The following DNER variants were observed in gnomAD, a reference collection of about 807,000 sequenced individuals.
DNER encodes delta/notch like EGF repeat containing, also known as delta and Notch-like epidermal growth factor-related receptor.
A neutral mutation model predicts 78.2 loss-of-function variants in DNER; 33 were observed. The observed-to-expected ratio is 0.42, with a 90% CI of 0.32 to 0.56. DNER has a LOEUF of 0.56. Ranked by LOEUF, DNER falls within the 20% of genes least tolerant of loss-of-function variation. DNER has a pLI of 0.11. For missense variants in DNER, 918 were observed against 975.3 expected (o/e 0.94, Z 0.78); for synonymous variants, 417 against 384.8 (o/e 1.08, Z -0.98).
At position 229,568,144 on chromosome 2, in the gene DNER, C is replaced by A. The variant is rs1302169064; in HGVS notation, c.847+17714G>T. 4.6e-5 allele frequency among the ~76,000 whole-genome samples: 7 copies of A among 150,842 alleles called. No individual in the cohort carries two copies. In the East Asian group the frequency reaches 1.3e-3, roughly 29 times the overall value. ...CATATCAAGTAGATCTCATGCTTTT[C>A]TAGTTTCCATTTCTTTTTTGGTTTT... On this transcript the variant is annotated intron_variant, in intron 4 of 12. Coordinates refer to ENST00000341772, the MANE Select transcript of DNER (RefSeq NM_139072.4).
intron 7 of DNER, among the ~76,000 whole-genome samples, chr2:229,468,048 T>A (rs1274176686): frequency 6.6e-6 from 1 of 152,104 alleles, no homozygotes; most frequent in African/African-American, 2.4e-5. Context: ...AGTCCAGAGG[T>A]ACCCAGGAAG....
intron 5 of DNER, among the ~76,000 whole-genome samples, chr2:229,540,397 G>C (rs1376059029): frequency 6.6e-6 from 1 of 152,170 alleles, no homozygotes; most frequent in Non-Finnish European, 1.5e-5. Flanking sequence ...CACTCAGTGA[G>C]TGAACCTGGA....
chr2:229,418,084 C>T, intron 9 of DNER, 24 bp downstream of exon 9: 1 of 1,614,080 alleles, frequency 6.2e-7, no homozygotes, highest in Non-Finnish European at 8.5e-7. Flanking sequence ...CATTCTGGCA[C>T]AGGAAGGCCA....
intron 1 of DNER, among the ~76,000 whole-genome samples, chr2:229,669,386 A>G (rs1347344499): frequency 6.6e-6 from 1 of 151,496 alleles, no homozygotes; most frequent in African/African-American, 2.4e-5. Context: ...ATATATATAT[A>G]TAAAAGAATG....
chr2:229,680,969 G>A lies in DNER; in HGVS notation c.276+33179C>T, dbSNP rs554578239. On this transcript the variant is annotated intron_variant, in intron 1 of 12. Coordinates refer to ENST00000341772, the MANE Select transcript of DNER (RefSeq NM_139072.4). ...AGAGGCTAGCTTTGGCAGGAGATGG[G>A]AGTGGAGAGGAAGTTAATCAAGGAA... Among the ~76,000 whole-genome samples, 8 of 152,322 alleles carry A rather than the reference G, an allele frequency of 5.3e-5. No individual in the cohort carries two copies. In the South Asian group the frequency reaches 1.7e-3, roughly 32 times the overall value.
At chr2:229,552,188 G>A (rs999538569) in intron 4 of DNER, among the ~76,000 whole-genome samples, 2 of 152,192 alleles carry the variant, frequency 1.3e-5, no homozygotes, top group African/African-American at 4.8e-5. Flanking sequence ...GACAGGCAGT[G>A]CATGCTTGAG....
At chr2:229,583,615 T>C (rs1454118832) in intron 4 of DNER, among the ~76,000 whole-genome samples, 2 of 152,238 alleles carry the variant, frequency 1.3e-5, no homozygotes, top group East Asian at 1.9e-4. Flanking sequence ...AGAGTAGTGA[T>C]ACTTTATATG....
intron 7 of DNER, among the ~76,000 whole-genome samples, chr2:229,468,164 T>A (rs1483576230): frequency 1.3e-5 from 2 of 152,240 alleles, no homozygotes; most frequent in African/African-American, 2.4e-5. Flanking sequence ...CCTTCTTCAT[T>A]CCTGGGCATG....
chr2:229,367,235 G>T (rs1375394530), intron 11 of DNER, 116 bp from the exon 12 acceptor site: 2 of 1,400,006 alleles, frequency 1.4e-6, no homozygotes, highest in East Asian at 2.4e-5. Context: ...AACTTGGAAG[G>T]CTTATTTTCT....
chr2:229,710,801 GC>G (rs573589523), intron 1 of DNER, among the ~76,000 whole-genome samples: 39 of 152,184 alleles, frequency 2.6e-4, no homozygotes, highest in Middle Eastern at 3.4e-3. Context: ...AAGGTAATGA[GC>G]ATTTGAAATA....
intron 2 of DNER, among the ~76,000 whole-genome samples, chr2:229,590,483 C>T (rs557769916): frequency 1.3e-5 from 2 of 152,094 alleles, no homozygotes; most frequent in Admixed American, 6.5e-5. Flanking sequence ...TTGAGTGTTG[C>T]GGTCTGCTGT....
chr2:229,700,321 T>C (rs1291988219), intron 1 of DNER, among the ~76,000 whole-genome samples: 2 of 148,900 alleles, frequency 1.3e-5, no homozygotes, highest in Non-Finnish European at 3.0e-5. Flanking sequence ...TGTGTGTGTA[T>C]AGGGGTCAGT....
intron 10 of DNER, among the ~76,000 whole-genome samples, chr2:229,400,739 G>A (rs1559341660): frequency 6.6e-6 from 1 of 152,002 alleles, no homozygotes; most frequent in Non-Finnish European, 1.5e-5. Context: ...CTTTCATCCA[G>A]AAGAATTCCA....
chr2:229,714,231 G>A lies in DNER; in HGVS notation c.193C>T (p.Pro65Ser), dbSNP rs1203058743. The A allele has an allele frequency of 1.4e-6, 2 of 1,410,270 alleles. No homozygotes were observed. The highest frequency in any genetic ancestry group is 1.5e-5 in the African/African-American group (1 of 66,926). The allele number at this position is 1,410,270 out of a possible 1,614,324, so 87.4% of individuals were successfully genotyped here. A position where few individuals can be genotyped will look rare whatever the true frequency, so the allele number is the denominator to read the frequency against. ...NGGVCTSRPE[P>S]DPQHPAPAGE... ...GCGGGGGCCGGGTGCTGCGGGTCCG[G>A]CTCAGGGCGCGAGGTGCACACACCC... is the stretch of plus-strand genomic sequence containing the variant. The change falls in exon 1 of 13, where the codon CCG becomes TCG. Residue 65 changes from proline (P) to serine (S), a missense_variant. Transcript: ENST00000341772.
At chr2:229,477,627 AT>A (rs1262409017) in intron 6 of DNER, among the ~76,000 whole-genome samples, 1 of 152,196 alleles carries the variant, frequency 6.6e-6, no homozygotes, top group Non-Finnish European at 1.5e-5. Flanking sequence ...TCTAACTGAG[AT>A]AATGGCCACA....
Position 229,546,962 on chromosome 2 carries a change from G to C in DNER, c.978C>G (p.Thr326=). The change falls in exon 5 of 13, where the codon ACC becomes ACG. Residue 326 remains threonine, a synonymous_variant. Coordinates refer to ENST00000341772, the MANE Select transcript of DNER (RefSeq NM_139072.4). ...DLECSGKGKC[T]TKPSEATFSC... ...ATCCCCTTACCTCTGACGGCTTCGT[G>C]GTGCATTTTCCTTTTCCTGAACACT... The C allele has an allele frequency of 2.5e-6, 4 of 1,614,132 alleles. No individual in the cohort carries two copies. Among genetic ancestry groups the C allele is most frequent in the Non-Finnish European group, 3.4e-6 (4 of 1,180,008 alleles).
chr2:229,535,088 G>A lies in DNER; in HGVS notation c.993+11859C>T, dbSNP rs146172295. ...TGACCTCAGGTGATCGGCCTGCGTC[G>A]GCCTCCCAAAGTGCTGAGATTACAG... On this transcript the variant is annotated intron_variant, in intron 5 of 12. Transcript: ENST00000341772. 9.6e-3 allele frequency among the ~76,000 whole-genome samples: 1,456 copies of A among 152,216 alleles called. 26 individuals carry two copies. Among genetic ancestry groups the A allele is most frequent in the African/African-American group, 0.033 (1,359 of 41,534 alleles).
At chr2:229,410,284 T>C (rs1451749786) in intron 9 of DNER, among the ~76,000 whole-genome samples, 1 of 152,176 alleles carries the variant, frequency 6.6e-6, no homozygotes, top group Non-Finnish European at 1.5e-5. Context: ...TGCCAAATCA[T>C]AACTTATCTG....
chr2:229,586,637 T>G, intron 3 of DNER: 1 of 979,710 alleles, frequency 1.0e-6, no homozygotes, highest in Non-Finnish European at 1.2e-6. Flanking sequence ...TGCGCTTTTC[T>G]CCTCACAGCC....
Sources: gnomAD v4.1 joint callset for allele counts (sites outside exome capture counted in the v4.1 genomes callset) on GRCh38, gnomAD v4.1.1 for gene constraint, MANE v1.5 for transcripts, NCBI Gene and HGNC (gene_info 2026-07-23, HGNC 2026-07-21) for gene names.